Variants in CCP110 observed in about 807,000 individuals in gnomAD.
CCP110 encodes centriolar coiled-coil protein 110.
A neutral mutation model predicts 105.5 loss-of-function variants in CCP110; 43 were observed. The observed-to-expected ratio is 0.41, with a 90% CI of 0.32 to 0.53. The LOEUF (loss-of-function observed/expected upper bound fraction) is 0.53, where lower values mean the gene tolerates loss of function less well. CCP110 is among the 20% of genes least tolerant of loss of function. The pLI, the probability that CCP110 is intolerant of heterozygous loss-of-function variation, is 0.32. For synonymous variants in CCP110, 353 were observed against 392.1 expected (o/e 0.90, Z 1.18); for missense variants, 1,016 against 1,189.1 (o/e 0.85, Z 2.14).
intron 1 of CCP110, chr16:19,525,310 G>T (rs1443103292): frequency 3.5e-5 from 5 of 142,700 alleles, no homozygotes; most frequent in Non-Finnish European, 7.7e-5. Context: ...TGGTATAAAT[G>T]GAGAAGACGG....
At chr16:19,539,122 AAT>A (rs1970188178) in intron 4 of CCP110, among the ~76,000 whole-genome samples, 1 of 107,690 alleles carries the variant, frequency 9.3e-6, no homozygotes, top group African/African-American at 5.0e-5. Flanking sequence ...AAAAAAAAAA[AAT>A]AATAATAATA....
exon 4 of CCP110, chr16:19,535,975 G>C: frequency 6.2e-7 from 1 of 1,611,412 alleles, no homozygotes; most frequent in Non-Finnish European, 8.5e-7. Context: ...ATTTTGATCA[G>C]TGGGAGATGG....
At position 19,551,226 on chromosome 16, in the gene CCP110, G is replaced by A. The variant is rs141344673; in HGVS notation, c.3017G>A (p.Arg1006Gln). 5.4e-5 allele frequency: 87 copies of A among 1,612,618 alleles called. No individual in the cohort carries two copies. The East Asian group carries it at 1.5e-3, about 28-fold the overall frequency. The change falls in exon 15 of 15, where the codon CGG (arginine) becomes CAG (glutamine). Residue 1006 changes from arginine (R) to glutamine (Q), a missense_variant. By Grantham distance (43) the Arg-to-Gln change is conservative (BLOSUM62 1). Transcript: ENST00000381396. ...TATGCAGGAAAAATCCAAAGAAAGC[G>A]GCCAAATGTTGCGACAATTTAAGAA...
chr16:19,548,621 T>G lies in CCP110; in HGVS notation c.2986+21T>G. The G allele has an allele frequency of 6.8e-7, 1 of 1,464,616 alleles. No individual in the cohort carries two copies. The highest frequency in any genetic ancestry group is 9.3e-7 in the Non-Finnish European group (1 of 1,072,200). The allele number at this position is 1,464,616 out of a possible 1,614,324, so 90.7% of individuals were successfully genotyped here. A position where few individuals can be genotyped will look rare whatever the true frequency, so the allele number is the denominator to read the frequency against. On this transcript the variant is annotated intron_variant, in intron 14 of 14. Transcript: ENST00000381396. The surrounding 1 kb of genome is among the most constrained non-coding windows in gnomAD (Gnocchi z 4.1). ...TTCAGGTTTGTAGAAAATAAATTCCTGAAGCCCATTCAATAGAAGGAAGTG... is the reference window on the plus strand; with the variant it reads ...TTCAGGTTTGTAGAAAATAAATTCCGGAAGCCCATTCAATAGAAGGAAGTG...
At chr16:19,532,190 A>G (rs1035155480) in intron 2 of CCP110, among the ~76,000 whole-genome samples, 2 of 152,192 alleles carry the variant, frequency 1.3e-5, no homozygotes, top group South Asian at 4.1e-4. Flanking sequence ...ATGAGTTTTG[A>G]TATATGGCAT....
At chr16:19,551,556 A>T (rs1050005490) in exon 15 of CCP110, 2 of 270,868 alleles carry the variant, frequency 7.4e-6, no homozygotes, top group Non-Finnish European at 1.4e-5. Context: ...TGTAAATGTC[A>T]AGGACATTTG....
rs530703630 is a variant in CCP110 at position 19,537,886 on chromosome 16, T to C, written c.1918+299T>C. The stretch of plus-strand genomic sequence containing the variant: ...CATCCTCCCACCTCATCCTCCCAAG[T>C]AGCTGGGACTACAGGCTCATGCCAC... On this transcript the variant is annotated intron_variant, in intron 4 of 14. Coordinates refer to ENST00000381396, the Ensembl canonical transcript of CCP110. Among the ~76,000 whole-genome samples, 8 of 152,246 alleles carry C rather than the reference T, an allele frequency of 5.3e-5. No homozygotes were observed. In the East Asian group the frequency reaches 1.5e-3, roughly 29 times the overall value.
rs545746288 is a variant in CCP110 at position 19,536,100 on chromosome 16, G to A, written c.431G>A (p.Gly144Glu). 8 of 1,614,042 alleles carry A rather than the reference G, an allele frequency of 5.0e-6. No homozygotes were observed. In the South Asian group the frequency reaches 7.7e-5, roughly 16 times the overall value. The change falls in exon 4 of 15, where the codon GGG becomes GAG. Residue 144 changes from glycine (G) to glutamate (E), a missense_variant. Gly to Glu is a moderately conservative substitution (Grantham distance 98, BLOSUM62 -2). Transcript: ENST00000381396. The stretch of plus-strand genomic sequence containing the variant: ...GCAGCAAAGCTTGATAAGATAGCTG[G>A]GATTTTGCCATTGGATAATGAGGAC...
At chr16:19,542,888 T>C in exon 8 of CCP110, 14 of 1,608,178 alleles carry the variant, frequency 8.7e-6, no homozygotes, top group Non-Finnish European at 1.2e-5. Context: ...GTTTTTAGTC[T>C]GGAAATACAA....
chr16:19,548,285 T>G lies in CCP110; in HGVS notation c.2901-230T>G, dbSNP rs1308881056. 15 of 576,642 alleles carry G rather than the reference T, an allele frequency of 2.6e-5. No individual in the cohort carries two copies. Among genetic ancestry groups the G allele is most frequent in the Non-Finnish European group, 4.3e-5 (14 of 328,296 alleles). The allele number at this position is 576,642 out of a possible 1,614,324, so 35.7% of individuals were successfully genotyped here. On this transcript the variant is annotated intron_variant, in intron 13 of 14. Coordinates refer to ENST00000381396, the Ensembl canonical transcript of CCP110. This position sits in a 1 kb window ranked among gnomAD's most constrained non-coding sequence, Gnocchi z 4.1. ...TCATAAAGTATTTTAAATATCCATA[T>G]AGTAAATTCAGCATCACCGAAGTGA...
chr16:19,544,084 G>C (rs1970379945), intron 8 of CCP110, among the ~76,000 whole-genome samples: 1 of 152,124 alleles, frequency 6.6e-6, no homozygotes, highest in Admixed American at 6.5e-5. Flanking sequence ...TTAAGGCTCA[G>C]GTGGGCATCA....
At chr16:19,541,977 G>A (rs1970303214) in exon 6 of CCP110, 2 of 1,612,266 alleles carry the variant, frequency 1.2e-6, no homozygotes, top group Non-Finnish European at 8.5e-7. Flanking sequence ...AGTGGAATTA[G>A]AATGGAGAAA....
intron 3 of CCP110, among the ~76,000 whole-genome samples, chr16:19,532,797 T>C (rs1244347918): frequency 6.6e-6 from 1 of 152,230 alleles, no homozygotes; most frequent in Non-Finnish European, 1.5e-5. Flanking sequence ...TTGCTTATTG[T>C]TTGCATCTTA....
At chr16:19,533,746 G>A (rs1484604403) in intron 3 of CCP110, among the ~76,000 whole-genome samples, 1 of 152,152 alleles carries the variant, frequency 6.6e-6, no homozygotes, top group Non-Finnish European at 1.5e-5. Flanking sequence ...GCAGAACTCT[G>A]GGTTGGTGTA....
chr16:19,540,216 G>A (rs1970228862), intron 4 of CCP110, among the ~76,000 whole-genome samples: 1 of 152,164 alleles, frequency 6.6e-6, no homozygotes, highest in African/African-American at 2.4e-5. Context: ...GAAACCTCAA[G>A]CTGAGAAAGC....
Position 19,548,703 on chromosome 16 carries a change from A to G in CCP110, c.2986+103A>G. On this transcript the variant is annotated intron_variant, in intron 14 of 14. Transcript: ENST00000381396. The surrounding 1 kb of genome is among the most constrained non-coding windows in gnomAD (Gnocchi z 4.1). ...GTGGAATAGATTGTCTTTCCTTGCC[A>G]CCATAATTTTGGCATATTCACAGTC... 1 of 717,062 alleles carries G rather than the reference A, an allele frequency of 1.4e-6. No homozygotes were observed. The highest frequency in any genetic ancestry group is 2.3e-6 in the Non-Finnish European group (1 of 438,582). 44.4% of individuals were successfully genotyped at this position (717,062 alleles called of 1,614,324 possible). A position where few individuals can be genotyped will look rare whatever the true frequency, so the allele number is the denominator to read the frequency against.
Position 19,548,657 on chromosome 16 carries a change from C to A in CCP110, c.2986+57C>A. 1 of 1,089,820 alleles carries A rather than the reference C, an allele frequency of 9.2e-7. No individual in the cohort carries two copies. The highest frequency in any genetic ancestry group is 2.6e-5 in the East Asian group (1 of 38,838). 67.5% of individuals were successfully genotyped at this position (1,089,820 alleles called of 1,614,324 possible). On this transcript the variant is annotated intron_variant, in intron 14 of 14. Transcript: ENST00000381396. This position sits in a 1 kb window ranked among gnomAD's most constrained non-coding sequence, Gnocchi z 4.1. ...CAATAGAAGGAAGTGCACAAGCTGC[C>A]CCATAACTCAGGCCATAGAAGTGGA...
At chr16:19,538,299 G>GTTT (rs1555491002) in intron 4 of CCP110, among the ~76,000 whole-genome samples, 1 of 86,822 alleles carries the variant, frequency 1.2e-5, no homozygotes, top group Non-Finnish European at 2.1e-5. Context: ...GGAGGAAACA[G>GTTT]TTCTTTTTTT....
chr16:19,549,826 C>T (rs1210342904), intron 14 of CCP110, among the ~76,000 whole-genome samples: 5 of 152,222 alleles, frequency 3.3e-5, no homozygotes. Flanking sequence ...AGTGACTACT[C>T]TCCATGTTCT....
Sources: gnomAD v4.1 joint callset for allele counts (sites outside exome capture counted in the v4.1 genomes callset) on GRCh38, gnomAD v4.1.1 for gene constraint, Gnocchi (gnomAD v3.1) non-coding constraint, MANE v1.5 for transcripts, NCBI Gene and HGNC (gene_info 2026-07-23, HGNC 2026-07-21) for gene names.